Variants in AGBL4 observed in about 807,000 individuals in gnomAD.
The protein encoded by AGBL4 is AGBL carboxypeptidase 4.
In AGBL4, 58 loss-of-function variants were observed where a neutral mutation model predicts 66.4. That is an observed-to-expected ratio of 0.87 (90% CI 0.71 to 1.09). The LOEUF (loss-of-function observed/expected upper bound fraction) is 1.09, where lower values mean the gene tolerates loss of function less well. Among genes scored for constraint, AGBL4 ranks in the 50% least tolerant of loss-of-function variants. The pLI is 0.00. For synonymous variants in AGBL4, 234 were observed against 222.9 expected, an observed-to-expected ratio of 1.05 and a Z score of -0.44; for missense variants, 579 against 631.0, an observed-to-expected ratio of 0.92 and a Z score of 0.88.
intron 11 of AGBL4, among the ~76,000 whole-genome samples, chr1:48,582,050 A>T (rs183090268): frequency 2.6e-5 from 4 of 152,332 alleles, no homozygotes; most frequent in Non-Finnish European, 5.9e-5. Context: ...ATTTACTCAC[A>T]GCTTTGCATA....
chr1:49,063,440 C>A (rs1294121963), intron 4 of AGBL4, among the ~76,000 whole-genome samples: 1 of 152,042 alleles, frequency 6.6e-6, no homozygotes, highest in African/African-American at 2.4e-5. Context: ...TAACTGAAGC[C>A]TATAGAGATA....
At chr1:49,081,381 T>G (rs979131678) in intron 4 of AGBL4, among the ~76,000 whole-genome samples, 1 of 152,246 alleles carries the variant, frequency 6.6e-6, no homozygotes, top group African/African-American at 2.4e-5. Context: ...AGCCTCAGTT[T>G]CTTTGTCTAC....
intron 9 of AGBL4, among the ~76,000 whole-genome samples, chr1:48,608,193 C>G (rs1330479962): frequency 6.6e-6 from 1 of 152,142 alleles, no homozygotes; most frequent in Non-Finnish European, 1.5e-5. Flanking sequence ...GAAATTGACT[C>G]TAATTCTAGG....
At chr1:49,885,915 T>C (rs1321557156) in intron 1 of AGBL4, among the ~76,000 whole-genome samples, 1 of 152,188 alleles carries the variant, frequency 6.6e-6, no homozygotes, top group African/African-American at 2.4e-5. Flanking sequence ...GCTGAATACT[T>C]GGTTGGCCAC....
intron 5 of AGBL4, among the ~76,000 whole-genome samples, chr1:48,884,503 T>C (rs1218822981): frequency 6.6e-6 from 1 of 152,118 alleles, no homozygotes; most frequent in East Asian, 1.9e-4. Context: ...AGAATTACAG[T>C]TTCTCTGAGT....
chr1:49,534,112 T>C (rs775542923), intron 3 of AGBL4, among the ~76,000 whole-genome samples: 5 of 145,872 alleles, frequency 3.4e-5, no homozygotes, highest in Admixed American at 7.3e-5. Context: ...TTCCCTTGCA[T>C]GTGTTAGCTC....
chr1:49,320,851 AT>A (rs1645120344), intron 3 of AGBL4, among the ~76,000 whole-genome samples: 1 of 152,174 alleles, frequency 6.6e-6, no homozygotes, highest in African/African-American at 2.4e-5. Context: ...GCCTCAGGAA[AT>A]TTACAATCAT....
chr1:49,934,257 A>G (rs998233536), intron 1 of AGBL4, among the ~76,000 whole-genome samples: 1 of 152,346 alleles, frequency 6.6e-6, no homozygotes, highest in Admixed American at 6.5e-5. Context: ...ATATCCAGAC[A>G]GAAAATCAAT....
intron 5 of AGBL4, among the ~76,000 whole-genome samples, chr1:49,027,941 G>A (rs766394281): frequency 6.6e-6 from 1 of 152,144 alleles, no homozygotes; most frequent in Non-Finnish European, 1.5e-5. Context: ...TAGGAGAAGT[G>A]GGCACTGTCC....
At chr1:48,554,572 T>A (rs1644294081) in intron 11 of AGBL4, among the ~76,000 whole-genome samples, 2 of 152,158 alleles carry the variant, frequency 1.3e-5, no homozygotes, top group South Asian at 4.1e-4. Flanking sequence ...TAAATCCCAA[T>A]CTTTAGGACC....
At chr1:49,791,779 T>C (rs936315141) in intron 2 of AGBL4, among the ~76,000 whole-genome samples, 18 of 152,242 alleles carry the variant, frequency 1.2e-4, no homozygotes, top group African/African-American at 4.3e-4. Context: ...TTCTTTGATA[T>C]CTTTATTACT....
At chr1:49,935,012 A>T (rs1653800067) in intron 1 of AGBL4, among the ~76,000 whole-genome samples, 1 of 152,232 alleles carries the variant, frequency 6.6e-6, no homozygotes, top group African/African-American at 2.4e-5. Context: ...ACCGTGTGCG[A>T]GTCAAAGCAG....
chr1:48,952,314 T>A (rs1385777522), intron 5 of AGBL4, among the ~76,000 whole-genome samples: 2 of 152,196 alleles, frequency 1.3e-5, no homozygotes, highest in Non-Finnish European at 2.9e-5. Context: ...CTTTACCCTT[T>A]GGAGCTTACA....
At chr1:49,304,452 G>A (rs1644813320) in intron 3 of AGBL4, among the ~76,000 whole-genome samples, 1 of 152,162 alleles carries the variant, frequency 6.6e-6, no homozygotes, top group Admixed American at 6.5e-5. Flanking sequence ...TACAATATGA[G>A]CTATTTAGCC....
At position 49,916,822 on chromosome 1, in the gene AGBL4, G is replaced by A. The variant is rs545816021; in HGVS notation, c.35-65304C>T. 4.6e-5 allele frequency among the ~76,000 whole-genome samples: 7 copies of A among 152,216 alleles called. No individual in the cohort carries two copies. The East Asian group carries it at 1.2e-3, about 25-fold the overall frequency. On this transcript the variant is annotated intron_variant, in intron 1 of 13. Transcript: ENST00000371839. Reference sequence around the variant, plus strand: ...TTGAAATGAAGGAAAAAATGTTAAGGGCAGCCAGAGAGAAAGGTCAGGTTA... The same window carrying A: ...TTGAAATGAAGGAAAAAATGTTAAGAGCAGCCAGAGAGAAAGGTCAGGTTA...
chr1:49,461,196 T>A (rs1646503681), intron 3 of AGBL4, among the ~76,000 whole-genome samples: 1 of 151,698 alleles, frequency 6.6e-6, no homozygotes, highest in Non-Finnish European at 1.5e-5. Context: ...ATATAATGTT[T>A]TCCAGACTTT....
At chr1:48,604,099 CT>C (rs1645117590) in intron 9 of AGBL4, among the ~76,000 whole-genome samples, 1 of 152,084 alleles carries the variant, frequency 6.6e-6, no homozygotes, top group African/African-American at 2.4e-5. Flanking sequence ...CACCACCGCA[CT>C]ACAGCCTGGG....
At chr1:48,773,722 G>C (rs1644945537) in intron 6 of AGBL4, among the ~76,000 whole-genome samples, 1 of 152,196 alleles carries the variant, frequency 6.6e-6, no homozygotes, top group Admixed American at 6.5e-5. Flanking sequence ...GGCACTGGAA[G>C]ACCTGTGTTC....
intron 4 of AGBL4, among the ~76,000 whole-genome samples, chr1:49,243,318 G>A (rs971416707): frequency 8.6e-5 from 13 of 151,804 alleles, no homozygotes; most frequent in African/African-American, 3.1e-4. Flanking sequence ...TCAGGTTTGA[G>A]TTAGGTCATT....
Sources: gnomAD v4.1 joint callset for allele counts (sites outside exome capture counted in the v4.1 genomes callset) on GRCh38, gnomAD v4.1.1 for gene constraint, MANE v1.5 for transcripts, NCBI Gene and HGNC (gene_info 2026-07-23, HGNC 2026-07-21) for gene names.